TOP6BL: variants seen among roughly 807,000 people sequenced by gnomAD.
TOP6BL encodes the protein type 2 DNA topoisomerase 6 subunit B-like.
chr11:66,826,208 TAAC>T, the TOP6BL span, among the ~76,000 whole-genome samples: 1 of 152,194 alleles, frequency 6.6e-6, no homozygotes, highest in Non-Finnish European at 1.5e-5. Flanking sequence ...TTTAAAATAA[TAAC>T]TAATAAAATT....
At chr11:66,766,794 C>G in the TOP6BL span, among the ~76,000 whole-genome samples, 1 of 152,226 alleles carries the variant, frequency 6.6e-6, no homozygotes, top group African/African-American at 2.4e-5. Flanking sequence ...AATGGAATAG[C>G]TTTGAATGTC....
At chr11:66,779,343 G>A in the TOP6BL span, among the ~76,000 whole-genome samples, 3,029 of 152,170 alleles carry the variant, frequency 0.02, 39 homozygotes, top group Middle Eastern at 0.041. Context: ...TCAAAAAGTG[G>A]GTGAAGGATA....
chr11:66,818,500 C>A, the TOP6BL span, among the ~76,000 whole-genome samples: 1 of 152,144 alleles, frequency 6.6e-6, no homozygotes. Context: ...CTTATGCTCA[C>A]ATAGACAGAG....
the TOP6BL span, among the ~76,000 whole-genome samples, chr11:66,777,006 T>C: frequency 3.0e-4 from 45 of 152,108 alleles, 1 homozygote; most frequent in South Asian, 5.6e-3. Flanking sequence ...TAAGCCAGAA[T>C]CATGCCCATC....
At chr11:66,815,239 G>C in the TOP6BL span, among the ~76,000 whole-genome samples, 1 of 152,154 alleles carries the variant, frequency 6.6e-6, no homozygotes, top group Non-Finnish European at 1.5e-5. Flanking sequence ...TGCTGGTTTA[G>C]TTTTTTGCCA....
At chr11:66,833,734 G>A in the TOP6BL span, among the ~76,000 whole-genome samples, 1 of 152,022 alleles carries the variant, frequency 6.6e-6, no homozygotes, top group Non-Finnish European at 1.5e-5. Context: ...GATCACTTGA[G>A]GTCAGGAGTT....
At chr11:66,828,927 C>T in the TOP6BL span, 1 of 151,730 alleles carries the variant, frequency 6.6e-6, no homozygotes, top group Non-Finnish European at 1.5e-5. Context: ...AATTCTAGAT[C>T]TCCAGCATCC....
At chr11:66,745,560 A>G in the TOP6BL span, among the ~76,000 whole-genome samples, 2 of 152,166 alleles carry the variant, frequency 1.3e-5, no homozygotes, top group Non-Finnish European at 2.9e-5. Flanking sequence ...CCGGTGCCCA[A>G]TGGGACGTTG....
the TOP6BL span, among the ~76,000 whole-genome samples, chr11:66,763,977 C>G: frequency 1.3e-5 from 2 of 152,196 alleles, no homozygotes; most frequent in Non-Finnish European, 2.9e-5. Context: ...GTATTAATCA[C>G]AATGATAATT....
the TOP6BL span, among the ~76,000 whole-genome samples, chr11:66,786,906 C>T: frequency 6.6e-6 from 1 of 151,284 alleles, no homozygotes; most frequent in African/African-American, 2.4e-5. Context: ...CAATATTACC[C>T]ATTAAGATTG....
chr11:66,781,475 A>T, the TOP6BL span, among the ~76,000 whole-genome samples: 2 of 152,204 alleles, frequency 1.3e-5, no homozygotes, highest in Non-Finnish European at 2.9e-5. Flanking sequence ...GCCTTTGAAC[A>T]TATTTATAAT....
the TOP6BL span, among the ~76,000 whole-genome samples, chr11:66,749,889 A>AT: frequency 3.9e-5 from 6 of 151,940 alleles, no homozygotes; most frequent in African/African-American, 7.3e-5. Context: ...ATGTTTATAT[A>AT]TTTTTTTTGG....
the TOP6BL span, among the ~76,000 whole-genome samples, chr11:66,799,856 G>C: frequency 4.8e-4 from 73 of 151,954 alleles, no homozygotes; most frequent in Non-Finnish European, 7.5e-4. Context: ...GAGGCAGGAG[G>C]ATCACTTGAC....
chr11:66,842,825 T>C, the TOP6BL span: 1 of 1,536,564 alleles, frequency 6.5e-7, no homozygotes, highest in Non-Finnish European at 8.8e-7. Flanking sequence ...GAAAGTAAGA[T>C]GAAGAGGCTT....
chr11:66,813,788 G>C, the TOP6BL span: 19 of 1,365,192 alleles, frequency 1.4e-5, no homozygotes, highest in Non-Finnish European at 1.9e-5. Context: ...AACCAGGTCA[G>C]TGTTGTTTGT....
the TOP6BL span, among the ~76,000 whole-genome samples, chr11:66,806,522 C>G: frequency 6.6e-6 from 1 of 152,172 alleles, no homozygotes; most frequent in Admixed American, 6.5e-5. Flanking sequence ...AATCCCAGCA[C>G]TTTGGGAGGC....
At chr11:66,816,821 T>G in the TOP6BL span, among the ~76,000 whole-genome samples, 1 of 152,128 alleles carries the variant, frequency 6.6e-6, no homozygotes, top group Non-Finnish European at 1.5e-5. Context: ...CAAGTAATCT[T>G]CCTTCCTCGG....
the TOP6BL span, among the ~76,000 whole-genome samples, chr11:66,784,571 C>T: frequency 2.6e-5 from 4 of 152,234 alleles, no homozygotes; most frequent in Non-Finnish European, 5.9e-5. Context: ...CCTTGGCAAA[C>T]ACTAATCTAC....
the TOP6BL span, chr11:66,788,354 T>G: frequency 9.7e-7 from 1 of 1,032,728 alleles, no homozygotes; most frequent in Non-Finnish European, 1.4e-6. Context: ...AAAGCCTAGG[T>G]CCATCAAAGT....
Sources: allele counts gnomAD v4.1 joint callset (sites outside exome capture counted in the v4.1 genomes callset), GRCh38; gene constraint gnomAD v4.1.1; transcripts MANE v1.5; gene names NCBI Gene and HGNC (gene_info 2026-07-23, HGNC 2026-07-21).